The following FMR1NB variants were observed in gnomAD, a reference collection of about 807,000 sequenced individuals.
FMR1NB encodes FMR1 neighbor protein.
Under a neutral mutation model 16.8 loss-of-function variants are expected in FMR1NB, and 10 were observed. The ratio of observed to expected loss-of-function variants is 0.60; its 90% confidence interval spans 0.37 to 1.01. The LOEUF is 1.01. Ranked by LOEUF, FMR1NB falls within the 50% of genes least tolerant of loss-of-function variation. FMR1NB has a pLI of 0.01. For synonymous variants in FMR1NB, 83 were observed against 79.1 expected, an observed-to-expected ratio of 1.05 and a Z score of -0.26; for missense variants, 205 against 204.8, an observed-to-expected ratio of 1.00 and a Z score of 0.00.
At chrX:148,012,163 G>A (rs2044628690) in intron 4 of FMR1NB, among the ~76,000 whole-genome samples, 1 of 101,669 alleles carries the variant, frequency 9.8e-6, no homozygotes, top group South Asian at 4.9e-4. Context: ...GGAAGCAGGG[G>A]AGAGGAATTC....
chrX:147,989,422 T>C (rs951964281), intron 1 of FMR1NB, among the ~76,000 whole-genome samples: 3 of 111,954 alleles, frequency 2.7e-5, no homozygotes, highest in African/African-American at 9.7e-5. Flanking sequence ...AGCTCTCCTG[T>C]ATGAGGCTCC....
chrX:148,009,613 G>A (rs1334907765), intron 4 of FMR1NB, among the ~76,000 whole-genome samples: 1 of 109,660 alleles, frequency 9.1e-6, no homozygotes, highest in South Asian at 4.0e-4. Context: ...AGCACTTAGA[G>A]CACAAAGTTA....
At chrX:148,003,394 A>C (rs1370904313) in intron 2 of FMR1NB, 74 bp downstream of exon 2, 1 of 1,108,041 alleles carries the variant, frequency 9.0e-7, no homozygotes, top group African/African-American at 1.8e-5. Context: ...TTTAGGAAGC[A>C]GTGTGGTGTA....
chrX:148,026,339 CAGA>C (rs2044703467), intron 5 of FMR1NB, among the ~76,000 whole-genome samples, 160 bp from the exon 6 acceptor site: 1 of 111,727 alleles, frequency 9.0e-6, no homozygotes, highest in Non-Finnish European at 1.9e-5. Flanking sequence ...CTCACAGTAA[CAGA>C]AGATGATGTA....
At chrX:148,016,975 TA>T (rs782758341) in intron 4 of FMR1NB, among the ~76,000 whole-genome samples, 1 of 111,521 alleles carries the variant, frequency 9.0e-6, no homozygotes, top group Non-Finnish European at 1.9e-5. Flanking sequence ...GATGATTTAT[TA>T]TTGGTCATTA....
chrX:147,982,620 G>T (rs1405569561), intron 1 of FMR1NB, among the ~76,000 whole-genome samples: 4 of 97,927 alleles, frequency 4.1e-5, no homozygotes, highest in Non-Finnish European at 8.1e-5. Context: ...AAGGCCGGGC[G>T]CGGTGGGTCA....
At chrX:148,007,585 C>T (rs1322650010) in intron 3 of FMR1NB, among the ~76,000 whole-genome samples, 7 of 111,943 alleles carry the variant, frequency 6.3e-5, no homozygotes, top group East Asian at 5.6e-4. Context: ...GCCACCACAC[C>T]GAGTCTTGTT....
At position 148,010,413 on chromosome X, in the gene FMR1NB, A is replaced by G. The variant is rs782131241; in HGVS notation, c.632+1702A>G. ...ACTTTCAGCCTATTGTGGTAGGCTG[A>G]TTTTAGAGGCAAGGAGAATAATTGT... is the stretch of plus-strand genomic sequence containing the variant. On this transcript the variant is annotated intron_variant, in intron 4 of 5. Transcript: ENST00000370467. Among the ~76,000 whole-genome samples, 7 of 111,408 alleles carry G rather than the reference A, an allele frequency of 6.3e-5. No homozygotes were observed. The South Asian group carries it at 2.7e-3, about 42-fold the overall frequency.
chrX:148,026,574 G>C lies in FMR1NB; in HGVS notation c.*86G>C, dbSNP rs1440762375. 9.0e-6 allele frequency: 1 copy of C among 111,333 alleles called. No homozygotes were observed. The highest frequency in any genetic ancestry group is 1.9e-5 in the Non-Finnish European group (1 of 52,991). The allele number at this position is 111,333 out of a possible 1,213,427, so 9.2% of individuals were successfully genotyped here. On this transcript the variant is annotated 3_prime_UTR_variant, in exon 6 of 6. Transcript: ENST00000370467. ...CTGTCTCAGCCATGCAAACCTCATGGAGCATTTTGGAAAGTTAAAAATTGA... is the reference window on the plus strand; with the variant it reads ...CTGTCTCAGCCATGCAAACCTCATGCAGCATTTTGGAAAGTTAAAAATTGA...
intron 1 of FMR1NB, among the ~76,000 whole-genome samples, chrX:147,992,339 C>G (rs1382802761): frequency 1.5e-5 from 1 of 68,832 alleles, no homozygotes; most frequent in Non-Finnish European, 2.7e-5. Flanking sequence ...GGGCAGGGGG[C>G]TGACCCCCCA....
intron 4 of FMR1NB, among the ~76,000 whole-genome samples, chrX:148,019,051 T>C (rs2044665603): frequency 8.9e-6 from 1 of 112,123 alleles, no homozygotes; most frequent in Non-Finnish European, 1.9e-5. Flanking sequence ...ATTTTCTAGA[T>C]GTTGTAGGCA....
intron 1 of FMR1NB, among the ~76,000 whole-genome samples, chrX:147,992,309 C>G (rs2044512285): frequency 1.2e-5 from 1 of 86,500 alleles, no homozygotes; most frequent in Non-Finnish European, 2.3e-5. Flanking sequence ...CCACCTCCCT[C>G]CCAGAGGGGG....
intron 4 of FMR1NB, among the ~76,000 whole-genome samples, chrX:148,014,260 T>G (rs112413964): frequency 2.2e-4 from 25 of 111,231 alleles, no homozygotes; most frequent in African/African-American, 8.2e-4. Flanking sequence ...GGTACTTAAA[T>G]AGGAATGTAT....
intron 1 of FMR1NB, among the ~76,000 whole-genome samples, chrX:147,996,134 G>A (rs934543680): frequency 1.8e-5 from 2 of 111,050 alleles, no homozygotes; most frequent in Non-Finnish European, 3.8e-5. Context: ...AGTTATAAAT[G>A]GAAAGTTGAC....
At chrX:147,994,315 G>A (rs2044530772) in intron 1 of FMR1NB, among the ~76,000 whole-genome samples, 1 of 111,866 alleles carries the variant, frequency 8.9e-6, no homozygotes, top group Admixed American at 9.5e-5. Flanking sequence ...ACAACTACAT[G>A]GGTTTCTAGG....
At chrX:148,020,418 T>A (rs1603087956) in intron 4 of FMR1NB, among the ~76,000 whole-genome samples, 1 of 112,058 alleles carries the variant, frequency 8.9e-6, no homozygotes. Flanking sequence ...TATTTAAGGT[T>A]CGAGACAAAA....
chrX:148,003,114 T>A, intron 1 of FMR1NB, 87 bp from the exon 2 acceptor site: 1 of 952,989 alleles, frequency 1.0e-6, no homozygotes, highest in Non-Finnish European at 1.4e-6. Flanking sequence ...CTATAATTAA[T>A]TTAAGCAAAG....
intron 1 of FMR1NB, among the ~76,000 whole-genome samples, chrX:148,001,645 G>A (rs2044571015): frequency 9.1e-6 from 1 of 110,368 alleles, no homozygotes; most frequent in South Asian, 3.9e-4. Context: ...AGCTACTCGG[G>A]AGGCCAAGGC....
rs11354434 is a variant in FMR1NB at position 148,011,284 on chromosome X, C to CA, written c.632+2583dup. Among the ~76,000 whole-genome samples, 321 of 104,472 alleles carry CA rather than the reference C, an allele frequency of 3.1e-3. 3 individuals are homozygous for CA. Among genetic ancestry groups the CA allele is most frequent in the African/African-American group, 9.9e-3 (284 of 28,810 alleles). The allele number at this position is 104,472 out of a possible 115,157, so 90.7% of individuals were successfully genotyped here. On this transcript the variant is annotated intron_variant, in intron 4 of 5. Transcript: ENST00000370467. ...ATCTCAAAAAAAACAAAAACAAAAA[C>CA]AAAAAAAAAATGTGAAGCAATTTGA... is the stretch of plus-strand genomic sequence containing the variant.
Sources: gnomAD v4.1 joint callset for allele counts (sites outside exome capture counted in the v4.1 genomes callset) on GRCh38, gnomAD v4.1.1 for gene constraint, MANE v1.5 for transcripts, NCBI Gene and HGNC (gene_info 2026-07-23, HGNC 2026-07-21) for gene names.